XIST: variants seen among roughly 807,000 people sequenced by gnomAD.
XIST encodes X inactive specific transcript (non-protein coding).
exon 1 of XIST, chrX:73,850,720 G>A (rs1569512870): frequency 2.1e-5 from 5 of 241,202 alleles, no homozygotes; most frequent in South Asian, 1.0e-4. Flanking sequence ...GGGTGGGGAG[G>A]TGGGGGGTGG....
chrX:73,830,466 G>A (rs1052824179), intron 4 of XIST, among the ~76,000 whole-genome samples: 2 of 111,948 alleles, frequency 1.8e-5, no homozygotes, highest in Non-Finnish European at 3.8e-5. Context: ...ATTCTCACTC[G>A]CTAATCAGCC....
In XIST at chrX:73,822,047, G is replaced by A. The variant is rs1922133248; in HGVS notation, n.17854C>T. 1.1e-5 allele frequency: 6 copies of A among 556,791 alleles called. No individual in the cohort carries two copies. The South Asian group carries it at 1.3e-4, about 12-fold the overall frequency. 45.9% of individuals were successfully genotyped at this position (556,791 alleles called of 1,213,427 possible). On this transcript the variant is annotated non_coding_transcript_exon_variant, in exon 6 of 6. Transcript: ENST00000429829. ...GTATGTATGTGTCAGCATGTAAAAA[G>A]TAAAGAACTGAAAATAGACAAACCT...
At chrX:73,852,289 G>C (rs1386908606) in exon 1 of XIST, 1 of 539,656 alleles carries the variant, frequency 1.9e-6, no homozygotes, top group Non-Finnish European at 3.3e-6. Context: ...CCGCGGCCCC[G>C]ATGGGCGAAT....
At chrX:73,835,842 T>G (rs1420518159) in intron 2 of XIST, among the ~76,000 whole-genome samples, 1 of 112,065 alleles carries the variant, frequency 8.9e-6, no homozygotes, top group Admixed American at 9.5e-5. Flanking sequence ...ATATAAAATA[T>G]TAAAATTATA....
At chrX:73,850,761 G>C in exon 1 of XIST, 1 of 290,567 alleles carries the variant, frequency 3.4e-6, no homozygotes, top group Non-Finnish European at 6.4e-6. Context: ...GGGGGGTTGG[G>C]GGGTGGGGGG....
At chrX:73,827,345 C>T (rs1186270716) in exon 6 of XIST, 2 of 558,320 alleles carry the variant, frequency 3.6e-6, no homozygotes, top group Non-Finnish European at 3.2e-6. Flanking sequence ...GGAGAGATTA[C>T]ATGAAATCAA....
chrX:73,824,910 G>C (rs1307807102), exon 6 of XIST: 1 of 547,965 alleles, frequency 1.8e-6, no homozygotes, highest in African/African-American at 2.2e-5. Context: ...TTATTACATA[G>C]GAGAATTAAT....
chrX:73,848,144 T>C, exon 1 of XIST: 1 of 558,449 alleles, frequency 1.8e-6, no homozygotes. Flanking sequence ...TAAGAGGGTG[T>C]GAGCAGTTGG....
exon 1 of XIST, chrX:73,841,464 T>G (rs1304115667): frequency 1.8e-6 from 1 of 556,439 alleles, no homozygotes; most frequent in Non-Finnish European, 3.2e-6. Context: ...TGGGCCGATC[T>G]TTTGACATCC....
intron 1 of XIST, among the ~76,000 whole-genome samples, chrX:73,839,173 T>C (rs1340010628): frequency 9.0e-6 from 1 of 111,400 alleles, no homozygotes; most frequent in Non-Finnish European, 1.9e-5. Flanking sequence ...AAAGAAATTA[T>C]GAATGCCTAA....
chrX:73,850,411 G>C (rs1161643084), exon 1 of XIST: 1 of 537,382 alleles, frequency 1.9e-6, no homozygotes, highest in Non-Finnish European at 3.3e-6. Flanking sequence ...TTCTATAATA[G>C]TCACTTAAGA....
intron 2 of XIST, among the ~76,000 whole-genome samples, chrX:73,835,099 T>G (rs1450352419): frequency 9.0e-6 from 1 of 111,719 alleles, no homozygotes; most frequent in African/African-American, 3.3e-5. Flanking sequence ...GGTAACCAAG[T>G]GATACTTAAA....
exon 6 of XIST, chrX:73,823,058 T>C: frequency 1.8e-6 from 1 of 553,314 alleles, no homozygotes; most frequent in Non-Finnish European, 3.3e-6. Flanking sequence ...AAGAATCTTT[T>C]TTTTATTGCT....
chrX:73,825,974 T>C (rs16992442), exon 6 of XIST: 56,817 of 556,933 alleles, frequency 0.1, 2,466 homozygotes, highest in Admixed American at 0.2. Context: ...AGGAGTAGCG[T>C]TGGCACAGTC....
Position 73,842,699 on chromosome X carries a change from G to C in XIST, n.10025C>G, listed in dbSNP as rs767870206. ...AAGCAATGCGAAAGGAAGTAGAGGG[G>C]TTCATGTATAATGGGTGGGACCAAG... On this transcript the variant is annotated non_coding_transcript_exon_variant, in exon 1 of 6. Transcript: ENST00000429829. 7 of 556,048 alleles carry C rather than the reference G, an allele frequency of 1.3e-5. No individual in the cohort carries two copies. The African/African-American group carries it at 1.6e-4, about 13-fold the overall frequency. 45.8% of individuals were successfully genotyped at this position (556,048 alleles called of 1,213,427 possible).
At chrX:73,843,940 T>C in exon 1 of XIST, 1 of 558,068 alleles carries the variant, frequency 1.8e-6, no homozygotes, top group Non-Finnish European at 3.2e-6. Flanking sequence ...AATTATATGT[T>C]GATAGTCCAC....
At chrX:73,835,176 T>C (rs1321685271) in intron 2 of XIST, among the ~76,000 whole-genome samples, 1 of 111,094 alleles carries the variant, frequency 9.0e-6, no homozygotes. Context: ...TCAGGACATA[T>C]GGGGAGCTTT....
At chrX:73,852,106 A>G in exon 1 of XIST, 1 of 171,922 alleles carries the variant, frequency 5.8e-6, no homozygotes, top group Non-Finnish European at 1.1e-5. Context: ...AAGGAAAAAT[A>G]AAAAAAAAAA....
intron 4 of XIST, chrX:73,829,289 G>C (rs189420347): frequency 1.8e-5 from 9 of 487,056 alleles, no homozygotes; most frequent in East Asian, 7.0e-5. Flanking sequence ...TACTGTGCTA[G>C]AGTTACATAA....
Sources: allele counts gnomAD v4.1 joint callset (sites outside exome capture counted in the v4.1 genomes callset), GRCh38; gene constraint gnomAD v4.1.1; transcripts MANE v1.5; gene names NCBI Gene and HGNC (gene_info 2026-07-23, HGNC 2026-07-21).